The following TAFA1 variants were observed in gnomAD, a reference collection of about 807,000 sequenced individuals.
TAFA1 encodes TAFA chemokine like family member 1.
In TAFA1, 4 loss-of-function variants were observed where a neutral mutation model predicts 18.5. The ratio of observed to expected loss-of-function variants is 0.22; its 90% confidence interval spans 0.11 to 0.49. TAFA1 has a LOEUF of 0.49. Among genes scored for constraint, TAFA1 ranks in the 20% least tolerant of loss-of-function variants. TAFA1 has a pLI of 0.98. For missense variants in TAFA1, 147 were observed against 169.0 expected (o/e 0.87, Z 0.72); for synonymous variants, 56 against 55.2 (o/e 1.01, Z -0.06).
At chr3:68,159,185 A>G (rs2065897932) in intron 2 of TAFA1, among the ~76,000 whole-genome samples, 1 of 152,222 alleles carries the variant, frequency 6.6e-6, no homozygotes, top group Non-Finnish European at 1.5e-5. Context: ...AGAAGATGAT[A>G]GCACACCACC....
At chr3:68,512,434 C>CA (rs1396254176) in intron 3 of TAFA1, among the ~76,000 whole-genome samples, 2 of 152,040 alleles carry the variant, frequency 1.3e-5, no homozygotes, top group African/African-American at 2.4e-5. Flanking sequence ...CTACCTGCCA[C>CA]AAAAAATACA....
intron 2 of TAFA1, among the ~76,000 whole-genome samples, chr3:68,242,798 C>T (rs1029486018): frequency 6.6e-6 from 1 of 151,922 alleles, no homozygotes; most frequent in Non-Finnish European, 1.5e-5. Context: ...TATGGTGACT[C>T]TTAAGTAATG....
chr3:68,541,556 G>A lies in TAFA1; in HGVS notation c.384+2676G>A, dbSNP rs527434085. Among the ~76,000 whole-genome samples the A allele has an allele frequency of 4.0e-5, 6 of 151,668 alleles. No individual in the cohort carries two copies. In the South Asian group the frequency reaches 1.2e-3, roughly 31 times the overall value. ...GTACTTTAATTATTATGAGTCACAT[G>A]TTTTCATTGTTCTGCTGTTATCAAA... is the stretch of plus-strand genomic sequence containing the variant. On this transcript the variant is annotated intron_variant, in intron 4 of 4. Transcript: ENST00000478136.
intron 2 of TAFA1, among the ~76,000 whole-genome samples, chr3:68,133,211 G>T (rs1055259405): frequency 6.6e-6 from 1 of 152,086 alleles, no homozygotes; most frequent in African/African-American, 2.4e-5. Flanking sequence ...CCTCTGTTCT[G>T]TTCCATTGGT....
At chr3:68,126,672 G>T (rs2065468523) in intron 2 of TAFA1, among the ~76,000 whole-genome samples, 1 of 152,252 alleles carries the variant, frequency 6.6e-6, no homozygotes. Context: ...GGAGCTTATG[G>T]AAAGATGCAC....
intron 3 of TAFA1, among the ~76,000 whole-genome samples, chr3:68,467,839 A>G (rs1439128449): frequency 6.6e-6 from 1 of 152,246 alleles, no homozygotes; most frequent in Non-Finnish European, 1.5e-5. Context: ...AGAGACAAAC[A>G]TGGAAATCCA....
intron 2 of TAFA1, among the ~76,000 whole-genome samples, chr3:68,052,732 A>G (rs2064486017): frequency 6.6e-6 from 1 of 152,224 alleles, no homozygotes; most frequent in Non-Finnish European, 1.5e-5. Flanking sequence ...ATAAGACAAC[A>G]TCCTCTATCT....
At chr3:68,524,691 G>A (rs1205358506) in intron 3 of TAFA1, among the ~76,000 whole-genome samples, 4 of 150,096 alleles carry the variant, frequency 2.7e-5, no homozygotes, top group Non-Finnish European at 5.9e-5. Context: ...TTTTTTTTGA[G>A]ACTGAGTCTC....
intron 2 of TAFA1, among the ~76,000 whole-genome samples, chr3:68,049,365 G>T (rs1332408386): frequency 6.6e-6 from 1 of 152,056 alleles, no homozygotes; most frequent in Non-Finnish European, 1.5e-5. Context: ...GCCTCTCATT[G>T]TATGAGGATT....
intron 2 of TAFA1, among the ~76,000 whole-genome samples, chr3:68,121,191 A>G (rs1179805755): frequency 6.6e-6 from 1 of 150,980 alleles, no homozygotes; most frequent in Non-Finnish European, 1.5e-5. Flanking sequence ...TTTATAATGC[A>G]TCTTATTCTA....
intron 4 of TAFA1, among the ~76,000 whole-genome samples, chr3:68,539,685 GCATGGGGT>G (rs1344802896): frequency 7.6e-4 from 18 of 23,568 alleles, no homozygotes; most frequent in African/African-American, 9.0e-4. Flanking sequence ...GTGTGGGGGG[GCATGGGGT>G]GGGTGGGTGG....
At chr3:68,421,511 A>T (rs1349844372) in intron 3 of TAFA1, among the ~76,000 whole-genome samples, 1 of 152,152 alleles carries the variant, frequency 6.6e-6, no homozygotes, top group East Asian at 1.9e-4. Flanking sequence ...GAAATTTCAT[A>T]TACCTGGATG....
chr3:68,036,101 C>T (rs1187485789), intron 2 of TAFA1, among the ~76,000 whole-genome samples: 1 of 152,118 alleles, frequency 6.6e-6, no homozygotes, highest in Non-Finnish European at 1.5e-5. Flanking sequence ...GCTGTAGTTA[C>T]ATGGCTGTGA....
intron 3 of TAFA1, among the ~76,000 whole-genome samples, chr3:68,524,469 A>G (rs146460007): frequency 6.6e-6 from 1 of 152,298 alleles, no homozygotes; most frequent in Non-Finnish European, 1.5e-5. Flanking sequence ...TCTTACAATC[A>G]GAAAATAGAA....
In TAFA1 at chr3:68,458,776, C is replaced by T. The variant is rs553271759; in HGVS notation, c.259+41356C>T. On this transcript the variant is annotated intron_variant, in intron 3 of 4. Transcript: ENST00000478136. The stretch of plus-strand genomic sequence containing the variant: ...TGCTTGGAGTAGAGACATTTTTAAA[C>T]AGTGCTTCCCACTTTTTTTTTTTTT... 1.4e-3 allele frequency among the ~76,000 whole-genome samples: 210 copies of T among 151,904 alleles called. 3 individuals are homozygous for T. The South Asian group carries it at 0.027, about 19-fold the overall frequency.
intron 2 of TAFA1, among the ~76,000 whole-genome samples, chr3:68,141,018 A>G (rs1328589663): frequency 6.6e-6 from 1 of 152,150 alleles, no homozygotes; most frequent in East Asian, 1.9e-4. Context: ...CATGGCAGAA[A>G]TTTTCTAGAA....
chr3:68,508,774 G>T (rs941503151), intron 3 of TAFA1, among the ~76,000 whole-genome samples: 1 of 152,086 alleles, frequency 6.6e-6, no homozygotes. Flanking sequence ...AGGTAGATTC[G>T]TAGTGTTGGA....
Position 68,330,948 on chromosome 3 carries a change from A to G in TAFA1, c.119-86332A>G, listed in dbSNP as rs112045991. ...GTTTAAAAATAGTTCCATACCTAAA[A>G]GAATTGAAAATAGGTGTTCAAACAA... On this transcript the variant is annotated intron_variant, in intron 2 of 4. Transcript: ENST00000478136. Among the ~76,000 whole-genome samples the G allele has an allele frequency of 1.2e-3, 189 of 152,296 alleles. 2 individuals are homozygous for G. In the East Asian group the frequency reaches 0.013, roughly 11 times the overall value.
chr3:68,147,461 C>G (rs953740388), intron 2 of TAFA1, among the ~76,000 whole-genome samples: 1 of 152,064 alleles, frequency 6.6e-6, no homozygotes, highest in East Asian at 1.9e-4. Flanking sequence ...TCCCATGTGG[C>G]CTCATGCAAC....
Sources: gnomAD v4.1 joint callset for allele counts (sites outside exome capture counted in the v4.1 genomes callset) on GRCh38, gnomAD v4.1.1 for gene constraint, MANE v1.5 for transcripts, NCBI Gene and HGNC (gene_info 2026-07-23, HGNC 2026-07-21) for gene names.